The following PIBF1 variants were observed in gnomAD, a reference collection of about 807,000 sequenced individuals.
The protein encoded by PIBF1 is progesterone-induced-blocking factor 1.
A neutral mutation model predicts 112.5 loss-of-function variants in PIBF1; 90 were observed. The observed-to-expected ratio is 0.80, with a 90% confidence interval of 0.67 to 0.95. The LOEUF (loss-of-function observed/expected upper bound fraction) is 0.95. Among genes scored for constraint, PIBF1 ranks in the 40% least tolerant of loss-of-function variants. The pLI is 0.00. For synonymous variants in PIBF1, 301 were observed against 288.6 expected (o/e 1.04, Z -0.44); for missense variants, 915 against 852.3 (o/e 1.07, Z -0.92).
intron 10 of PIBF1, among the ~76,000 whole-genome samples, chr13:72,882,243 G>A (rs9573052): frequency 6.6e-6 from 1 of 152,260 alleles, no homozygotes; most frequent in Admixed American, 6.5e-5. Context: ...TCCATATGCA[G>A]AAGAATAAAA....
In PIBF1 at chr13:73,001,073, T is replaced by G. The variant is rs143748177; in HGVS notation, c.2223+2078T>G. On this transcript the variant is annotated intron_variant, in intron 17 of 17. Transcript: ENST00000326291. ...AGTCAAATCAAAGACTGTAAGCTAA[T>G]GCAGAATTAGTAAGGTGAACCGACT... 3.9e-5 allele frequency among the ~76,000 whole-genome samples: 6 copies of G among 152,292 alleles called. No individual in the cohort carries two copies. In the East Asian group the frequency reaches 1.2e-3, roughly 29 times the overall value.
At chr13:72,913,677 C>T (rs77683043) in intron 12 of PIBF1, among the ~76,000 whole-genome samples, 219 of 151,876 alleles carry the variant, frequency 1.4e-3, no homozygotes, top group African/African-American at 5.1e-3. Context: ...GTGGGATGAT[C>T]GCCTGAGCCC....
intron 1 of PIBF1, among the ~76,000 whole-genome samples, chr13:72,782,779 C>G (rs1461260739): frequency 1.3e-5 from 2 of 151,840 alleles, no homozygotes; most frequent in East Asian, 1.9e-4. Context: ...CCCCGTTTTC[C>G]CTATTTAAAA....
chr13:73,004,500 A>AAAAG (rs1555332433), intron 17 of PIBF1, among the ~76,000 whole-genome samples: 1 of 23,500 alleles, frequency 4.3e-5, no homozygotes, highest in Non-Finnish European at 1.5e-4. Flanking sequence ...AAAAAAAAAA[A>AAAAG]AAAAGAAAGA....
intron 16 of PIBF1, among the ~76,000 whole-genome samples, chr13:72,994,078 A>T (rs1317302994): frequency 6.6e-6 from 1 of 151,768 alleles, no homozygotes; most frequent in African/African-American, 2.4e-5. Flanking sequence ...GCACCACCGC[A>T]CTACAGCCTG....
chr13:72,913,451 G>A (rs2040966212), intron 12 of PIBF1, among the ~76,000 whole-genome samples: 1 of 152,218 alleles, frequency 6.6e-6, no homozygotes, highest in South Asian at 2.1e-4. Context: ...GTGGATATAT[G>A]TATAATAAAC....
chr13:72,919,983 A>C (rs921972469), intron 13 of PIBF1, among the ~76,000 whole-genome samples: 3 of 152,210 alleles, frequency 2.0e-5, no homozygotes, highest in Non-Finnish European at 4.4e-5. Context: ...CCAAAAAAAG[A>C]AAAACAGAAA....
At chr13:72,984,097 A>G (rs977621199) in intron 16 of PIBF1, among the ~76,000 whole-genome samples, 1 of 151,924 alleles carries the variant, frequency 6.6e-6, no homozygotes, top group African/African-American at 2.4e-5. Flanking sequence ...TTTTTTTTCC[A>G]TGTAAGGGTG....
At chr13:72,817,625 G>A (rs974963820) in intron 5 of PIBF1, among the ~76,000 whole-genome samples, 2 of 152,066 alleles carry the variant, frequency 1.3e-5, no homozygotes, top group African/African-American at 4.8e-5. Flanking sequence ...CAGCACATGT[G>A]ATACATTTTC....
intron 9 of PIBF1, among the ~76,000 whole-genome samples, chr13:72,843,224 G>A (rs1389782918): frequency 1.3e-5 from 2 of 152,180 alleles, no homozygotes; most frequent in African/African-American, 2.4e-5. Context: ...GGGAGATCAC[G>A]TAGGAGGCTG....
rs1416600995 is a variant in PIBF1 at position 72,893,935 on chromosome 13, CAG to C, written c.1476_1477del (p.Lys494IlefsTer10). 1.9e-6 allele frequency: 3 copies of C among 1,587,444 alleles called. No individual in the cohort carries two copies. In the South Asian group the frequency reaches 3.4e-5, roughly 18 times the overall value. ...GTGTCAATTGGAATGTGAAAAATAT[CAG>C]AAAAAATTGGAGGTACATGTACAAG... The part of the protein sequence containing the change: ...TQCQLECEKY[Q>X]KKLEVLTKEF... On this transcript the variant is annotated frameshift_variant, in exon 11 of 18. Coordinates refer to ENST00000326291, the MANE Select transcript of PIBF1 (RefSeq NM_006346.4). LOFTEE classifies it high-confidence loss of function.
intron 10 of PIBF1, among the ~76,000 whole-genome samples, chr13:72,866,668 T>C: frequency 6.6e-6 from 1 of 152,262 alleles, no homozygotes; most frequent in Non-Finnish European, 1.5e-5. Context: ...ACAGATACAG[T>C]ATAAAAACCT....
intron 10 of PIBF1, among the ~76,000 whole-genome samples, chr13:72,892,225 G>C (rs758826195): frequency 6.6e-6 from 1 of 152,008 alleles, no homozygotes; most frequent in Non-Finnish European, 1.5e-5. Flanking sequence ...ATATAAAAAG[G>C]TATTTTTTAA....
chr13:72,808,114 C>T (rs749635100), intron 5 of PIBF1, among the ~76,000 whole-genome samples: 2 of 152,096 alleles, frequency 1.3e-5, no homozygotes, highest in Non-Finnish European at 2.9e-5. Context: ...AAACAAAGCT[C>T]TGAGAACATT....
At chr13:72,852,265 C>G (rs1594052235) in intron 9 of PIBF1, among the ~76,000 whole-genome samples, 2 of 152,326 alleles carry the variant, frequency 1.3e-5, no homozygotes, top group South Asian at 4.1e-4. Flanking sequence ...CTCTGCAGTT[C>G]CTGGCATCTC....
chr13:72,839,261 A>G (rs2138228048), intron 9 of PIBF1, among the ~76,000 whole-genome samples: 1 of 152,362 alleles, frequency 6.6e-6, no homozygotes, highest in East Asian at 1.9e-4. Context: ...TTTAGGAGAC[A>G]GAGCCGACAG....
chr13:72,848,246 G>A (rs1325681809), intron 9 of PIBF1, among the ~76,000 whole-genome samples: 2 of 152,036 alleles, frequency 1.3e-5, no homozygotes, highest in African/African-American at 4.8e-5. Context: ...TTTGAATTTC[G>A]AAGGGTCCTA....
intron 9 of PIBF1, among the ~76,000 whole-genome samples, chr13:72,844,052 C>T (rs1688934418): frequency 6.6e-6 from 1 of 152,064 alleles, no homozygotes; most frequent in South Asian, 2.1e-4. Flanking sequence ...TTATTGAGTA[C>T]CTATTATGCG....
At chr13:72,798,715 A>G (rs1412416262) in intron 5 of PIBF1, among the ~76,000 whole-genome samples, 1 of 152,122 alleles carries the variant, frequency 6.6e-6, no homozygotes, top group Non-Finnish European at 1.5e-5. Flanking sequence ...CTAACAAAAA[A>G]ATAATGGTAG....
Sources: allele counts gnomAD v4.1 joint callset (sites outside exome capture counted in the v4.1 genomes callset), GRCh38; gene constraint gnomAD v4.1.1; transcripts MANE v1.5; gene names NCBI Gene and HGNC (gene_info 2026-07-23, HGNC 2026-07-21).